PTK2: variants seen among roughly 807,000 people sequenced by gnomAD.
PTK2 encodes focal adhesion kinase 1.
In PTK2, 45 loss-of-function variants were observed where a neutral mutation model predicts 150.1. That is an observed-to-expected ratio of 0.30 (90% confidence interval 0.24 to 0.38). The LOEUF (loss-of-function observed/expected upper bound fraction) is 0.38. PTK2 is among the 10% of genes least tolerant of loss of function. The pLI is 1.00. For synonymous variants in PTK2, 432 were observed against 449.2 expected (o/e 0.96, Z 0.48); for missense variants, 919 against 1,307.3 (o/e 0.70, Z 4.58).
intron 2 of PTK2, among the ~76,000 whole-genome samples, chr8:140,898,822 T>TA (rs2100157342): frequency 6.6e-6 from 1 of 151,860 alleles, no homozygotes; most frequent in Non-Finnish European, 1.5e-5. Flanking sequence ...GCTGAAGCTG[T>TA]AAAGGGGAGG....
chr8:140,707,515 C>T (rs1440276236), intron 23 of PTK2, among the ~76,000 whole-genome samples: 3 of 151,296 alleles, frequency 2.0e-5, no homozygotes, highest in South Asian at 2.1e-4. Context: ...GAGTGATTCT[C>T]GTGCCTCAGC....
chr8:140,701,426 A>G (rs1439868055), intron 25 of PTK2, among the ~76,000 whole-genome samples: 3 of 152,182 alleles, frequency 2.0e-5, no homozygotes, highest in South Asian at 2.1e-4. Flanking sequence ...TTTCATTCAA[A>G]TAAGTAATTT....
At chr8:140,849,536 G>T (rs1192704663) in intron 5 of PTK2, among the ~76,000 whole-genome samples, 1 of 152,126 alleles carries the variant, frequency 6.6e-6, no homozygotes, top group Non-Finnish European at 1.5e-5. Flanking sequence ...TATATACCTA[G>T]CACCATGTCA....
At chr8:140,659,137 T>C in exon 32 of PTK2, 1 of 298,764 alleles carries the variant, frequency 3.3e-6, no homozygotes, top group Non-Finnish European at 6.3e-6. Flanking sequence ...CCCTTGGCCA[T>C]CCCCCTTTAG....
At chr8:140,888,523 ATTGATCTTCACAAGT>A (rs1305439171) in intron 3 of PTK2, among the ~76,000 whole-genome samples, 1 of 152,228 alleles carries the variant, frequency 6.6e-6, no homozygotes, top group Non-Finnish European at 1.5e-5. Context: ...ATTTGATCAG[ATTGATCTTCACAAGT>A]TTGCTAAATG....
chr8:140,999,953 C>CT (rs2100199341), intron 1 of PTK2, among the ~76,000 whole-genome samples: 1 of 151,292 alleles, frequency 6.6e-6, no homozygotes, highest in South Asian at 2.1e-4. Context: ...ATCTTAGTCT[C>CT]ATTGCCAAAA....
rs537822856 is a variant in PTK2, at chr8:140,795,543, A to G, written c.1094-2159T>C. On this transcript the variant is annotated intron_variant, in intron 12 of 31. Transcript: ENST00000522684. ...TATCCCTTACTTTCTTCCCTGTCTT[A>G]TTTTTCTCGATACAGCTCAACATCA... 1.7e-3 allele frequency among the ~76,000 whole-genome samples: 259 copies of G among 152,064 alleles called. 2 individuals carry two copies. The highest frequency in any genetic ancestry group is 6.8e-3 in the Middle Eastern group (2 of 294).
intron 1 of PTK2, among the ~76,000 whole-genome samples, chr8:140,947,942 AGG>A (rs2100178238): frequency 2.6e-5 from 4 of 152,186 alleles, no homozygotes; most frequent in Admixed American, 2.6e-4. Context: ...AATAAAGCAA[AGG>A]TTTCTGGTAT....
At position 140,767,187 on chromosome 8, in the gene PTK2, T is replaced by C. The variant is rs545347270; in HGVS notation, c.1178-2897A>G. Among the ~76,000 whole-genome samples the C allele has an allele frequency of 4.6e-5, 7 of 152,228 alleles. No individual in the cohort carries two copies. The East Asian group carries it at 9.7e-4, about 21-fold the overall frequency. On this transcript the variant is annotated intron_variant, in intron 14 of 31. Coordinates refer to ENST00000522684, the Ensembl canonical transcript of PTK2. ...CTAATATATATCAGGCTAGCACACA[T>C]TGTGGAAAATATCATGTTGCATACA...
intron 1 of PTK2, among the ~76,000 whole-genome samples, chr8:140,928,270 A>G (rs752369060): frequency 1.3e-5 from 2 of 152,100 alleles, no homozygotes; most frequent in Non-Finnish European, 2.9e-5. Context: ...CCTAACACCC[A>G]TTATAATAGC....
intron 4 of PTK2, among the ~76,000 whole-genome samples, chr8:140,877,646 T>G (rs2100146447): frequency 6.6e-6 from 1 of 152,000 alleles, no homozygotes; most frequent in African/African-American, 2.4e-5. Context: ...CGACAAGGCA[T>G]CAATGTCATC....
chr8:140,824,231 CTA>C (rs2100110556), intron 8 of PTK2, among the ~76,000 whole-genome samples: 1 of 152,152 alleles, frequency 6.6e-6, no homozygotes, highest in South Asian at 2.1e-4. Flanking sequence ...AAAGTAATAA[CTA>C]TGCAATGTTA....
At chr8:140,820,895 C>T (rs1597172311) in intron 8 of PTK2, 2 of 152,138 alleles carry the variant, frequency 1.3e-5, no homozygotes, top group Non-Finnish European at 2.9e-5. Flanking sequence ...GCCAGGGGCC[C>T]AGGTTGAGGT....
chr8:140,922,873 G>A (rs1278943976), intron 2 of PTK2, among the ~76,000 whole-genome samples: 2 of 152,152 alleles, frequency 1.3e-5, no homozygotes, highest in Non-Finnish European at 2.9e-5. Flanking sequence ...ACCACAGGAA[G>A]GATTTTTTAG....
At chr8:140,773,070 G>A (rs2100076429) in intron 14 of PTK2, among the ~76,000 whole-genome samples, 1 of 152,184 alleles carries the variant, frequency 6.6e-6, no homozygotes, top group African/African-American at 2.4e-5. Context: ...CTCCACAAGT[G>A]CTAGCTCTTC....
At chr8:140,875,506 A>G (rs889227498) in intron 4 of PTK2, among the ~76,000 whole-genome samples, 4 of 152,126 alleles carry the variant, frequency 2.6e-5, no homozygotes, top group Admixed American at 2.0e-4. Flanking sequence ...GGAGATAAGG[A>G]CTGTGAGGTC....
chr8:140,791,648 T>C (rs2100088504), intron 13 of PTK2, among the ~76,000 whole-genome samples: 1 of 152,120 alleles, frequency 6.6e-6, no homozygotes, highest in Admixed American at 6.5e-5. Flanking sequence ...GAAAACATGA[T>C]GGGGATGCTC....
At chr8:140,812,403 A>G (rs1415537388) in intron 10 of PTK2, among the ~76,000 whole-genome samples, 1 of 152,264 alleles carries the variant, frequency 6.6e-6, no homozygotes, top group Non-Finnish European at 1.5e-5. Context: ...TGAAAGGAGC[A>G]CTAAATATGG....
chr8:140,824,741 A>T (rs776109086), intron 8 of PTK2, among the ~76,000 whole-genome samples: 2 of 152,038 alleles, frequency 1.3e-5, no homozygotes, highest in Non-Finnish European at 2.9e-5. Context: ...TCTGGATATT[A>T]ATCAATACAC....
Sources: gnomAD v4.1 joint callset for allele counts (sites outside exome capture counted in the v4.1 genomes callset) on GRCh38, gnomAD v4.1.1 for gene constraint, MANE v1.5 for transcripts, NCBI Gene and HGNC (gene_info 2026-07-23, HGNC 2026-07-21) for gene names.